The following PHF7 variants were observed in gnomAD, a reference collection of about 807,000 sequenced individuals.
The protein encoded by PHF7 is PHD finger protein 7, also known as E3 ubiquitin-protein ligase PHF7.
In PHF7, 24 loss-of-function variants were observed where a neutral mutation model predicts 47.5. The ratio of observed to expected loss-of-function variants is 0.51; its 90% CI spans 0.37 to 0.71. PHF7 has a LOEUF of 0.71. PHF7 is among the 30% of genes least tolerant of loss of function. The probability of loss-of-function intolerance (pLI) is 0.00; values close to 1 mark genes in which losing one functional copy is unlikely to be tolerated. For missense variants in PHF7, 361 were observed against 456.8 expected, an observed-to-expected ratio of 0.79 and a Z score of 1.91; for synonymous variants, 156 against 153.8, an observed-to-expected ratio of 1.01 and a Z score of -0.11.
At position 52,422,290 on chromosome 3, in the gene PHF7, C is replaced by A. The variant is rs774861232; in HGVS notation, c.749C>A (p.Ala250Asp). ...TATCAGCGCTATCAGCACTGTGATGCCCCCATCTGTCTGTATGAACAAGGC... is the reference window on the plus strand; with the variant it reads ...TATCAGCGCTATCAGCACTGTGATGACCCCATCTGTCTGTATGAACAAGGC... The part of the protein sequence containing the change: ...DLYQRYQHCD[A>D]PICLYEQGRD... The change falls in exon 9 of 11, where the codon GCC becomes GAC. Residue 250 changes from alanine (A) to aspartate (D), a missense_variant. By Grantham distance (126) the Ala-to-Asp change is moderately radical. Transcript: ENST00000327906. 6.2e-7 allele frequency: 1 copy of A among 1,613,638 alleles called. No individual in the cohort carries two copies. The highest frequency in any genetic ancestry group is 1.7e-5 in the Admixed American group (1 of 60,004).
rs1446497495 is a variant in PHF7, at chr3:52,421,674, T to C, written c.600T>C (p.His200=). Residue 200 remains histidine, a synonymous_variant, in exon 8 of 11, where the codon CAT becomes CAC. Coordinates refer to ENST00000327906, the MANE Select transcript of PHF7 (RefSeq NM_016483.7). The part of the protein sequence containing the change: ...IQKYAHTSAK[H]FFKCPQCNNR... ...AATATGCCCACACATCAGCAAAGCATTTCTTCAAATGTCCACAGTGTAACA... is the reference window on the plus strand; with the variant it reads ...AATATGCCCACACATCAGCAAAGCACTTCTTCAAATGTCCACAGTGTAACA... 7 of 1,606,526 alleles carry C rather than the reference T, an allele frequency of 4.4e-6. No homozygotes were observed. In the African/African-American group the frequency reaches 8.0e-5, roughly 18 times the overall value.
chr3:52,417,684 C>T (rs1186261940), intron 4 of PHF7, among the ~76,000 whole-genome samples: 1 of 152,012 alleles, frequency 6.6e-6, no homozygotes, highest in Non-Finnish European at 1.5e-5. Context: ...GTTGTAAATG[C>T]CTTGTTACAG....
chr3:52,419,757 C>T, intron 4 of PHF7, 76 bp from the exon 5 acceptor site: 1 of 849,910 alleles, frequency 1.2e-6, no homozygotes, highest in Non-Finnish European at 2.0e-6. Flanking sequence ...GCTCTCTTAC[C>T]CTGTCCTTCT....
chr3:52,413,072 C>T, intron 2 of PHF7, 152 bp downstream of exon 2: 1 of 640,122 alleles, frequency 1.6e-6, no homozygotes, highest in Non-Finnish European at 2.8e-6. Context: ...ACCTGTCTTA[C>T]CAGTGCTGTC....
intron 4 of PHF7, among the ~76,000 whole-genome samples, chr3:52,419,543 G>A (rs905652177): frequency 3.3e-5 from 5 of 150,838 alleles, no homozygotes; most frequent in Non-Finnish European, 5.9e-5. Flanking sequence ...CCATTCTCCT[G>A]CCTCAGCCTC....
chr3:52,423,170 CACCTTGGA>C lies in PHF7; in HGVS notation c.1001_1008del (p.Thr334ArgfsTer9), dbSNP rs1362556474. The stretch of plus-strand genomic sequence containing the variant: ...CTGAGGAACATTTCTGCAGAGACAA[CACCTTGGA>C]AGAGAATCCGGGCCTTTCTTGGACT... On this transcript the variant is annotated frameshift_variant, in exon 11 of 11. Transcript: ENST00000327906. LOFTEE classifies it low-confidence loss of function (END_TRUNC). 1.2e-6 allele frequency: 2 copies of C among 1,614,006 alleles called. No homozygotes were observed. Among genetic ancestry groups the C allele is most frequent in the South Asian group, 2.2e-5 (2 of 91,074 alleles).
Position 52,420,940 on chromosome 3 carries a change from C to A in PHF7, c.451C>A (p.Gln151Lys). The A allele has an allele frequency of 1.2e-5, 20 of 1,613,212 alleles. No individual in the cohort carries two copies. Among genetic ancestry groups the A allele is most frequent in the Non-Finnish European group, 1.4e-5 (17 of 1,179,548 alleles). ...CDKHRPTQNI[Q>K]HGHVGEESCI... Reference sequence around the variant, plus strand: ...CAAACATCGCCCAACACAGAACATCCAACATGGGCATGTGGGGGAGGAAAG... The same window carrying A: ...CAAACATCGCCCAACACAGAACATCAAACATGGGCATGTGGGGGAGGAAAG... Residue 151 changes from glutamine (Q) to lysine (K), a missense_variant, in exon 7 of 11, where the codon CAA (glutamine) becomes AAA (lysine). Coordinates refer to ENST00000327906, the MANE Select transcript of PHF7 (RefSeq NM_016483.7).
rs1295986037 is a variant in PHF7, at chr3:52,419,871, C to A, written c.225C>A (p.Asn75Lys). ...SSKLPQRGQS[N>K]RGFHGFLPED... ...AGCTGCCTCAGAGGGGCCAGTCCAA[C>A]AGAGGCTTCCATGGATTTCTGCCTG... is the stretch of plus-strand genomic sequence containing the variant. Residue 75 changes from asparagine (N) to lysine (K), a missense_variant, in exon 5 of 11, where the codon AAC (asparagine) becomes AAA (lysine). By Grantham distance (94) the Asn-to-Lys change is moderately conservative. Coordinates refer to ENST00000327906, the MANE Select transcript of PHF7 (RefSeq NM_016483.7). 7.5e-6 allele frequency: 12 copies of A among 1,609,914 alleles called. No homozygotes were observed. The highest frequency in any genetic ancestry group is 1.0e-5 in the Non-Finnish European group (12 of 1,177,762).
chr3:52,419,860 G>A lies in PHF7; in HGVS notation c.214G>A (p.Gly72Ser). 6.2e-7 allele frequency: 1 copy of A among 1,608,268 alleles called. No homozygotes were observed. Among genetic ancestry groups the A allele is most frequent in the South Asian group, 1.1e-5 (1 of 89,978 alleles). The change falls in exon 5 of 11, where the codon GGC becomes AGC. Residue 72 changes from glycine to serine, a missense_variant. Physicochemically the swap from Gly to Ser is moderately conservative, Grantham distance 56 (BLOSUM62 0). Transcript: ENST00000327906. ...CTTATCTAGTAAGCTGCCTCAGAGG[G>A]GCCAGTCCAACAGAGGCTTCCATGG... ...LILSSKLPQR[G>S]QSNRGFHGFL...
At position 52,421,070 on chromosome 3, in the gene PHF7, T is replaced by A. The variant is rs1204080191; in HGVS notation, c.573+8T>A. The A allele has an allele frequency of 6.3e-7, 1 of 1,592,622 alleles. No homozygotes were observed. Among genetic ancestry groups the A allele is most frequent in the East Asian group, 2.3e-5 (1 of 43,914 alleles). On this transcript the variant is annotated splice_region_variant and intron_variant, in intron 7 of 10. Coordinates refer to ENST00000327906, the MANE Select transcript of PHF7 (RefSeq NM_016483.7). ...CACCGCAAGTGCATACAGGTGGGGC[T>A]TTTTCCGCCCTGGGTCCCTTCCACC...
chr3:52,418,061 G>T (rs952456135), intron 4 of PHF7, among the ~76,000 whole-genome samples: 1 of 152,044 alleles, frequency 6.6e-6, no homozygotes, highest in African/African-American at 2.4e-5. Context: ...AATGTAGTTT[G>T]TTACATCAAC....
At chr3:52,413,974 G>A in intron 2 of PHF7, 22 bp from the exon 3 acceptor site, 1 of 1,556,742 alleles carries the variant, frequency 6.4e-7, no homozygotes, top group South Asian at 1.1e-5. Context: ...AACACCTTGT[G>A]CTTCTTATTT....
chr3:52,414,454 A>T, intron 3 of PHF7, 42 bp from the exon 4 acceptor site: 2 of 1,098,954 alleles, frequency 1.8e-6, no homozygotes, highest in Non-Finnish European at 2.8e-6. Flanking sequence ...TTCCATTCTT[A>T]ATGGTCAATT....
Position 52,422,810 on chromosome 3 carries a change from G to C in PHF7, c.848G>C (p.Arg283Thr), listed in dbSNP as rs1388599346. Residue 283 changes from arginine (R) to threonine (T), a missense_variant, in exon 10 of 11, where the codon AGG becomes ACG. Physicochemically the swap from Arg to Thr is moderately conservative, Grantham distance 71. Transcript: ENST00000327906. ...ACATGCGGATCCCACGGAACCCACA[G>C]GGACTGCTCCTCTCTTAGATCTAAC... is the stretch of plus-strand genomic sequence containing the variant. ...CATCGSHGTH[R>T]DCSSLRSNSK... The C allele has an allele frequency of 1.2e-5, 20 of 1,614,104 alleles. No individual in the cohort carries two copies. The highest frequency in any genetic ancestry group is 2.2e-5 in the South Asian group (2 of 91,080).
At chr3:52,418,649 C>A (rs1393957483) in intron 4 of PHF7, among the ~76,000 whole-genome samples, 1 of 152,044 alleles carries the variant, frequency 6.6e-6, no homozygotes, top group Non-Finnish European at 1.5e-5. Context: ...GGTGATGCAG[C>A]AGGAAGGGTA....
chr3:52,414,140 C>G (rs1578238425), intron 3 of PHF7, 92 bp downstream of exon 3: 1 of 814,654 alleles, frequency 1.2e-6, no homozygotes, highest in Non-Finnish European at 2.1e-6. Context: ...CTTCTTCTCT[C>G]TCTCCCAGCC....
At chr3:52,417,141 A>C (rs1705650641) in intron 4 of PHF7, among the ~76,000 whole-genome samples, 1 of 152,184 alleles carries the variant, frequency 6.6e-6, no homozygotes, top group African/African-American at 2.4e-5. Context: ...GGATCTGGAT[A>C]ATCTATTTAT....
rs2153228949 is a variant in PHF7, at chr3:52,414,578, T to C, written c.177T>C (p.Tyr59=). The C allele has an allele frequency of 6.2e-7, 1 of 1,606,552 alleles. No individual in the cohort carries two copies. Among genetic ancestry groups the C allele is most frequent in the East Asian group, 2.2e-5 (1 of 44,750 alleles). Residue 59 remains tyrosine, a synonymous_variant, in exon 4 of 11, where the codon TAT becomes TAC. Coordinates refer to ENST00000327906, the MANE Select transcript of PHF7 (RefSeq NM_016483.7). ...FLQKDNISVH[Y]FCLILSSKLP... ...AGAAAGACAATATCAGCGTGCATTA[T>C]TTCTGTCTTGTGAGTATGAGGCCTC...
chr3:52,411,887 A>C (rs1030928776), intron 1 of PHF7, among the ~76,000 whole-genome samples: 1 of 152,232 alleles, frequency 6.6e-6, no homozygotes, highest in Non-Finnish European at 1.5e-5. Flanking sequence ...GGTACAGACC[A>C]TATCTCAGTG....
Sources: allele counts gnomAD v4.1 joint callset (sites outside exome capture counted in the v4.1 genomes callset), GRCh38; gene constraint gnomAD v4.1.1; transcripts MANE v1.5; gene names NCBI Gene and HGNC (gene_info 2026-07-23, HGNC 2026-07-21).